Variants in ANK3 observed in about 807,000 individuals in gnomAD.
The protein encoded by ANK3 is ankyrin 3, also known as ankyrin-3.
In ANK3, 57 loss-of-function variants were observed where a neutral mutation model predicts 370.9. The ratio of observed to expected loss-of-function variants is 0.15; its 90% CI spans 0.12 to 0.19. The LOEUF is 0.19. Among genes scored for constraint, ANK3 ranks in the 10% least tolerant of loss-of-function variants. The probability of loss-of-function intolerance (pLI) is 1.00; values close to 1 mark genes in which losing one functional copy is unlikely to be tolerated. For synonymous variants in ANK3, 1,929 were observed against 1,946.3 expected (o/e 0.99, Z 0.23); for missense variants, 4,439 against 5,302.1 (o/e 0.84, Z 5.06).
intron 1 of ANK3, among the ~76,000 whole-genome samples, chr10:60,633,097 T>C (rs2078507060): frequency 6.6e-6 from 1 of 152,220 alleles, no homozygotes. Context: ...TAAAATTTTA[T>C]TATTATTCAC....
At chr10:60,222,331 A>G (rs1475999359) in intron 8 of ANK3, among the ~76,000 whole-genome samples, 1 of 152,014 alleles carries the variant, frequency 6.6e-6, no homozygotes, top group African/African-American at 2.4e-5. Flanking sequence ...TTAGCATCAC[A>G]GTTCTTGCAG....
intron 15 of ANK3, 124 bp downstream of exon 15, chr10:60,196,403 G>T: frequency 1.1e-6 from 1 of 909,314 alleles, no homozygotes. Flanking sequence ...TTTCCCAAGT[G>T]CTCTTCATCC....
chr10:60,461,684 ATAAC>A (rs1267028477), intron 2 of ANK3, among the ~76,000 whole-genome samples: 2 of 152,200 alleles, frequency 1.3e-5, no homozygotes, highest in Non-Finnish European at 2.9e-5. Flanking sequence ...ACAAGACAAT[ATAAC>A]TATTATTTGA....
intron 2 of ANK3, 37 bp from the exon 3 acceptor site, chr10:60,279,185 T>C: frequency 6.3e-7 from 1 of 1,585,356 alleles, no homozygotes; most frequent in Non-Finnish European, 8.7e-7. Flanking sequence ...ACTCAGCAGG[T>C]TGAAAATAGA....
intron 1 of ANK3, among the ~76,000 whole-genome samples, chr10:60,681,889 C>T (rs373390460): frequency 1.3e-4 from 20 of 152,256 alleles, no homozygotes; most frequent in Admixed American, 1.0e-3. Context: ...CAGTGGCTCA[C>T]GCCTGTAATC....
At chr10:60,358,433 T>C (rs1374580503) in intron 1 of ANK3, among the ~76,000 whole-genome samples, 2 of 152,166 alleles carry the variant, frequency 1.3e-5, no homozygotes, top group Non-Finnish European at 2.9e-5. Context: ...GCTTACCTGG[T>C]CTTTCCCCTG....
chr10:60,559,572 C>T (rs1243360334), intron 2 of ANK3, among the ~76,000 whole-genome samples: 1 of 152,128 alleles, frequency 6.6e-6, no homozygotes, highest in Non-Finnish European at 1.5e-5. Context: ...GAAACAAGGA[C>T]TTAGAAAATT....
chr10:60,539,726 T>C (rs569082166), intron 2 of ANK3, among the ~76,000 whole-genome samples: 1 of 151,980 alleles, frequency 6.6e-6, no homozygotes, highest in Admixed American at 6.6e-5. Context: ...GCCACTAAAG[T>C]CCCAAGAGAC....
intron 23 of ANK3, among the ~76,000 whole-genome samples, chr10:60,150,503 T>C (rs2095058323): frequency 6.6e-6 from 1 of 152,190 alleles, no homozygotes; most frequent in African/African-American, 2.4e-5. Flanking sequence ...ATGGTTTGGA[T>C]GTCTGTGCCC....
intron 2 of ANK3, among the ~76,000 whole-genome samples, chr10:60,510,584 C>A (rs1323242305): frequency 6.6e-6 from 1 of 152,098 alleles, no homozygotes; most frequent in East Asian, 1.9e-4. Context: ...GAGGCCCAGG[C>A]AGGCAGATCA....
intron 1 of ANK3, among the ~76,000 whole-genome samples, chr10:60,312,705 G>A (rs2046607551): frequency 6.6e-6 from 1 of 152,114 alleles, no homozygotes; most frequent in Non-Finnish European, 1.5e-5. Flanking sequence ...ATCTTTATTA[G>A]GGTTAAAAAA....
At chr10:60,254,174 GTTA>G (rs1260917761) in intron 7 of ANK3, among the ~76,000 whole-genome samples, 1 of 151,628 alleles carries the variant, frequency 6.6e-6, no homozygotes, top group Non-Finnish European at 1.5e-5. Context: ...CATGTAAATA[GTTA>G]TTATACTATA....
At chr10:60,277,252 T>C (rs2098104627) in intron 4 of ANK3, among the ~76,000 whole-genome samples, 1 of 152,118 alleles carries the variant, frequency 6.6e-6, no homozygotes, top group Non-Finnish European at 1.5e-5. Flanking sequence ...TATCCAAAGA[T>C]AATCATACTA....
At chr10:60,238,068 C>CT (rs1019664891) in intron 7 of ANK3, among the ~76,000 whole-genome samples, 5 of 152,190 alleles carry the variant, frequency 3.3e-5, no homozygotes, top group Non-Finnish European at 5.9e-5. Context: ...AATGCAATCA[C>CT]TTTTTACTCC....
At chr10:60,219,210 G>A (rs1012516090) in intron 8 of ANK3, among the ~76,000 whole-genome samples, 1 of 151,874 alleles carries the variant, frequency 6.6e-6, no homozygotes, top group African/African-American at 2.4e-5. Context: ...TAGCTTCTTT[G>A]TATTGGTTTA....
At chr10:60,178,220 C>T (rs2096036501) in intron 18 of ANK3, among the ~76,000 whole-genome samples, 1 of 152,134 alleles carries the variant, frequency 6.6e-6, no homozygotes, top group African/African-American at 2.4e-5. Flanking sequence ...CACATGTTCC[C>T]ATGATATTGA....
Position 60,166,650 on chromosome 10 carries a change from C to T in ANK3, c.2555G>A (p.Arg852His), listed in dbSNP as rs190358169. The T allele has an allele frequency of 1.5e-4, 243 of 1,613,510 alleles. 2 individuals are homozygous for T. The highest frequency in any genetic ancestry group is 8.8e-4 in the Admixed American group (53 of 60,002). Reference protein sequence around the residue: ...EVLDMSDDEVRKANAPEMLSD... With the variant: ...EVLDMSDDEVHKANAPEMLSD... Reference sequence around the variant, plus strand: ...GAGCATTTCAGGGGCATTGGCTTTACGAACTGCATGATTGAAGTGAACAAT... The same window carrying T: ...GAGCATTTCAGGGGCATTGGCTTTATGAACTGCATGATTGAAGTGAACAAT... Residue 852 changes from arginine to histidine, a missense_variant, in exon 23 of 44, where the codon CGT becomes CAT. Arg to His is a conservative substitution (Grantham distance 29, BLOSUM62 0). This residue lies in a region of ANK3 where 702 missense variants were observed against 941.5 expected (regional missense o/e 0.75). Transcript: ENST00000280772.
chr10:60,200,113 C>T lies in ANK3; in HGVS notation c.1491+16G>A, dbSNP rs769145639. The T allele has an allele frequency of 1.2e-6, 2 of 1,602,216 alleles. No homozygotes were observed. Among genetic ancestry groups the T allele is most frequent in the Non-Finnish European group, 1.7e-6 (2 of 1,169,710 alleles). ...TTTTTCCTCAATTTCAAACACTTGT[C>T]AAGTATTGCGCATACCTTAGCTTTA... On this transcript the variant is annotated intron_variant, in intron 13 of 43. Transcript: ENST00000280772.
At chr10:60,290,795 T>G (rs1213199993) in intron 1 of ANK3, among the ~76,000 whole-genome samples, 1 of 152,124 alleles carries the variant, frequency 6.6e-6, no homozygotes, top group Non-Finnish European at 1.5e-5. Context: ...GCCACTCTCA[T>G]GCTGAAAGGC....
Sources: allele counts gnomAD v4.1 joint callset (sites outside exome capture counted in the v4.1 genomes callset), GRCh38; gene constraint gnomAD v4.1.1; regional missense constraint gnomAD v4.1.1; transcripts MANE v1.5; gene names NCBI Gene and HGNC (gene_info 2026-07-23, HGNC 2026-07-21).